Variants in TEC observed in about 807,000 individuals in gnomAD.
TEC encodes the protein tec protein tyrosine kinase, also known as tyrosine-protein kinase Tec.
In TEC, 72 loss-of-function variants were observed where a neutral mutation model predicts 93.0. The ratio of observed to expected loss-of-function variants is 0.77; its 90% CI spans 0.64 to 0.94. The LOEUF is 0.94. TEC is among the 40% of genes least tolerant of loss of function. The pLI, the probability that TEC is intolerant of heterozygous loss-of-function variation, is 0.00. For synonymous variants in TEC, 249 were observed against 247.7 expected (o/e 1.01, Z -0.05); for missense variants, 630 against 757.9 (o/e 0.83, Z 1.98).
In TEC at chr4:48,192,524, G is replaced by T. The variant is rs1321235174; in HGVS notation, c.139-16338C>A. On this transcript the variant is annotated intron_variant, in intron 2 of 17. Transcript: ENST00000381501. ...CATTGGAGCATACCTGTATAATGCT[G>T]AAAAAAATATGGCCCCTGCTCTCGG... 2.0e-5 allele frequency among the ~76,000 whole-genome samples: 3 copies of T among 152,074 alleles called. No homozygotes were observed. The East Asian group carries it at 5.8e-4, about 29-fold the overall frequency.
intron 1 of TEC, among the ~76,000 whole-genome samples, chr4:48,243,965 AT>A (rs1488838796): frequency 7.7e-5 from 5 of 64,984 alleles, no homozygotes; most frequent in East Asian, 5.9e-4. Flanking sequence ...TTAAAGTATA[AT>A]TAAAAAAAAA....
At chr4:48,257,314 C>T (rs1475362792) in intron 1 of TEC, among the ~76,000 whole-genome samples, 2 of 152,154 alleles carry the variant, frequency 1.3e-5, no homozygotes, top group Non-Finnish European at 2.9e-5. Flanking sequence ...AACAGTGCTG[C>T]TTTGAAGACA....
Position 48,137,313 on chromosome 4 carries a change from A to T in TEC, c.*103T>A. 1.1e-6 allele frequency: 1 copy of T among 873,438 alleles called. No homozygotes were observed. The highest frequency in any genetic ancestry group is 1.8e-6 in the Non-Finnish European group (1 of 545,870). The allele number at this position is 873,438 out of a possible 1,614,324, so 54.1% of individuals were successfully genotyped here. ...AATTATTTATGTGTTTCCACTGTAT[A>T]AGTAAAATGATCTACATGTCCAAGT... On this transcript the variant is annotated 3_prime_UTR_variant, in exon 18 of 18. Coordinates refer to ENST00000381501, the MANE Select transcript of TEC (RefSeq NM_003215.3).
At chr4:48,164,959 C>A (rs552181754) in intron 7 of TEC, among the ~76,000 whole-genome samples, 1 of 151,950 alleles carries the variant, frequency 6.6e-6, no homozygotes, top group Non-Finnish European at 1.5e-5. Flanking sequence ...GCCGAGATCA[C>A]GCCACTGCAC....
At chr4:48,159,144 C>T (rs1194870995) in intron 8 of TEC, among the ~76,000 whole-genome samples, 1 of 151,150 alleles carries the variant, frequency 6.6e-6, no homozygotes, top group Non-Finnish European at 1.5e-5. Context: ...TAACTATACA[C>T]ACAGGTAAAA....
chr4:48,145,647 A>G, intron 12 of TEC, 68 bp from the exon 13 acceptor site: 1 of 1,536,836 alleles, frequency 6.5e-7, no homozygotes, highest in Non-Finnish European at 8.9e-7. Flanking sequence ...GAGAGGGGGA[A>G]AAAGAACCTA....
intron 1 of TEC, among the ~76,000 whole-genome samples, chr4:48,257,281 T>C (rs1257583607): frequency 1.3e-5 from 2 of 152,238 alleles, no homozygotes; most frequent in Non-Finnish European, 2.9e-5. Context: ...ATTACATATG[T>C]GGCTTACAGA....
chr4:48,149,063 C>A (rs1458147832), intron 11 of TEC, among the ~76,000 whole-genome samples: 1 of 152,156 alleles, frequency 6.6e-6, no homozygotes. Flanking sequence ...TTTTCTTTAT[C>A]CTGTCTATCA....
chr4:48,227,069 C>CAAA (rs1348382938), intron 2 of TEC, among the ~76,000 whole-genome samples: 1 of 151,920 alleles, frequency 6.6e-6, no homozygotes, highest in Admixed American at 6.6e-5. Flanking sequence ...CACACACATA[C>CAAA]ACACACACAG....
chr4:48,160,904 TAA>T (rs200029660), intron 8 of TEC, among the ~76,000 whole-genome samples: 3 of 118,080 alleles, frequency 2.5e-5, no homozygotes, highest in African/African-American at 3.2e-5. Context: ...AGTAGGGATT[TAA>T]AAAAAAAAAG....
intron 2 of TEC, among the ~76,000 whole-genome samples, chr4:48,190,364 T>TA (rs1722049001): frequency 6.6e-6 from 1 of 152,210 alleles, no homozygotes; most frequent in African/African-American, 2.4e-5. Context: ...AAAACCCTCT[T>TA]ACTCTCCATG....
At chr4:48,194,276 T>C (rs1465295231) in intron 2 of TEC, among the ~76,000 whole-genome samples, 1 of 152,226 alleles carries the variant, frequency 6.6e-6, no homozygotes, top group Non-Finnish European at 1.5e-5. Flanking sequence ...TCCCTGCTTA[T>C]CTGATGTTAG....
intron 2 of TEC, among the ~76,000 whole-genome samples, chr4:48,196,078 T>C (rs1345441152): frequency 6.6e-6 from 1 of 152,136 alleles, no homozygotes; most frequent in Non-Finnish European, 1.5e-5. Context: ...TGGTTAACTT[T>C]AGGTATCAAC....
At chr4:48,179,374 ATATTT>A (rs1179309728) in intron 2 of TEC, among the ~76,000 whole-genome samples, 21 of 21,562 alleles carry the variant, frequency 9.7e-4, no homozygotes, top group Middle Eastern at 0.033. Context: ...ATATATATAT[ATATTT>A]TTTTTTTTTT....
intron 1 of TEC, among the ~76,000 whole-genome samples, chr4:48,256,912 A>G (rs1044164858): frequency 9.2e-5 from 14 of 152,232 alleles, no homozygotes; most frequent in Non-Finnish European, 1.9e-4. Context: ...GCTGTTCAAT[A>G]TGACAGCCAC....
At chr4:48,224,783 G>A (rs1723386542) in intron 2 of TEC, among the ~76,000 whole-genome samples, 1 of 152,166 alleles carries the variant, frequency 6.6e-6, no homozygotes. Flanking sequence ...ATTTCAACAA[G>A]CACAGAAAGG....
At chr4:48,183,060 G>T (rs779961326) in intron 2 of TEC, among the ~76,000 whole-genome samples, 1 of 152,166 alleles carries the variant, frequency 6.6e-6, no homozygotes, top group Non-Finnish European at 1.5e-5. Context: ...TTGTGGCAGA[G>T]GAAATCTCCT....
chr4:48,159,273 C>A (rs1447034429), intron 8 of TEC, among the ~76,000 whole-genome samples: 2 of 152,166 alleles, frequency 1.3e-5, no homozygotes, highest in African/African-American at 4.8e-5. Flanking sequence ...GGTGCCAGCA[C>A]CAGCATCTGA....
intron 1 of TEC, among the ~76,000 whole-genome samples, chr4:48,237,940 G>A (rs912347400): frequency 1.3e-5 from 2 of 152,160 alleles, no homozygotes; most frequent in African/African-American, 4.8e-5. Context: ...CAAATGCTGT[G>A]GTGCCTGTCA....
Sources: gnomAD v4.1 joint callset for allele counts (sites outside exome capture counted in the v4.1 genomes callset) on GRCh38, gnomAD v4.1.1 for gene constraint, MANE v1.5 for transcripts, NCBI Gene and HGNC (gene_info 2026-07-23, HGNC 2026-07-21) for gene names.